Variants in APP observed in about 807,000 individuals in gnomAD.
APP encodes the protein amyloid-beta precursor protein.
APP carries 31 observed loss-of-function variants against 101.4 expected under a neutral mutation model. That is an observed-to-expected ratio of 0.31 (90% CI 0.23 to 0.41). APP has a LOEUF of 0.41. Among genes scored for constraint, APP ranks in the 10% least tolerant of loss-of-function variants. The pLI is 1.00. For missense variants in APP, 839 were observed against 1,003.7 expected (o/e 0.84, Z 2.22); for synonymous variants, 366 against 364.4 (o/e 1.00, Z -0.05).
intron 11 of APP, among the ~76,000 whole-genome samples, chr21:25,970,809 C>G (rs2042003904): frequency 6.6e-6 from 1 of 152,120 alleles, no homozygotes; most frequent in Admixed American, 6.5e-5. Context: ...TAAATAGTAT[C>G]TTACGTCTTG....
At chr21:25,991,592 G>C (rs2042868090) in intron 8 of APP, among the ~76,000 whole-genome samples, 1 of 152,154 alleles carries the variant, frequency 6.6e-6, no homozygotes, top group Non-Finnish European at 1.5e-5. Context: ...TGGCCAGGCT[G>C]GTCTCGAATT....
chr21:26,154,281 A>G (rs1218851197), intron 1 of APP, among the ~76,000 whole-genome samples: 1 of 152,176 alleles, frequency 6.6e-6, no homozygotes, highest in Non-Finnish European at 1.5e-5. Flanking sequence ...ACATACCCAT[A>G]CAGACAATAA....
chr21:25,915,975 T>C (rs897600632), intron 13 of APP, among the ~76,000 whole-genome samples: 32 of 136,142 alleles, frequency 2.4e-4, no homozygotes, highest in Non-Finnish European at 1.8e-4. Flanking sequence ...TAGCCTTCGT[T>C]TTTTTTTTTT....
intron 1 of APP, 123 bp from the exon 2 acceptor site, chr21:26,112,269 C>T (rs896687523): frequency 1.9e-5 from 18 of 963,944 alleles, no homozygotes; most frequent in Middle Eastern, 6.2e-4. Flanking sequence ...GGAATCAGCC[C>T]GGTCTTCAAC....
At chr21:25,895,925 T>G (rs888310148) in intron 16 of APP, among the ~76,000 whole-genome samples, 5 of 152,200 alleles carry the variant, frequency 3.3e-5, no homozygotes, top group African/African-American at 1.2e-4. Context: ...TCTTAACTAG[T>G]CCAGTAGAGG....
intron 3 of APP, among the ~76,000 whole-genome samples, chr21:26,070,433 T>G (rs574836769): frequency 6.6e-6 from 1 of 152,316 alleles, no homozygotes; most frequent in South Asian, 2.1e-4. Context: ...GATCACCAAC[T>G]CTTCTTTAGC....
At chr21:26,021,811 G>A (rs200914339) in intron 6 of APP, 29 bp downstream of exon 6, 4 of 1,608,690 alleles carry the variant, frequency 2.5e-6, no homozygotes, top group Non-Finnish European at 3.4e-6. Context: ...CCTTGGGGGT[G>A]GGGGGAATCC....
intron 3 of APP, among the ~76,000 whole-genome samples, chr21:26,089,261 A>T (rs2061767675): frequency 6.6e-6 from 1 of 152,226 alleles, no homozygotes; most frequent in African/African-American, 2.4e-5. Context: ...ACAGACTAAT[A>T]ACCAAGTTAG....
intron 13 of APP, among the ~76,000 whole-genome samples, chr21:25,935,442 A>C (rs1180059477): frequency 1.3e-5 from 2 of 152,184 alleles, no homozygotes; most frequent in Non-Finnish European, 2.9e-5. Context: ...AGACATGAGA[A>C]AATATAGCTA....
chr21:26,041,414 C>T (rs1012247133), intron 5 of APP, among the ~76,000 whole-genome samples: 1 of 152,040 alleles, frequency 6.6e-6, no homozygotes, highest in Non-Finnish European at 1.5e-5. Flanking sequence ...GTATTTTCTT[C>T]CTCTTTTCCT....
At chr21:26,026,236 G>A (rs896762339) in intron 5 of APP, among the ~76,000 whole-genome samples, 9 of 152,184 alleles carry the variant, frequency 5.9e-5, no homozygotes, top group Non-Finnish European at 1.2e-4. Flanking sequence ...AGACTTTAGT[G>A]GCTATCAATT....
intron 13 of APP, among the ~76,000 whole-genome samples, chr21:25,924,411 C>CAAAAAAAAAAAAAAA (rs551284093): frequency 7.7e-3 from 435 of 56,704 alleles, no homozygotes; most frequent in East Asian, 0.01. Context: ...TTTGCAAATA[C>CAAAAAAAAAAAAAAA]AAAAAAAAAA....
intron 3 of APP, among the ~76,000 whole-genome samples, chr21:26,073,022 C>T (rs1397620205): frequency 5.3e-5 from 8 of 151,816 alleles, no homozygotes; most frequent in Admixed American, 3.3e-4. Context: ...GTGGAGCACC[C>T]GCAGAAAGAG....
Position 25,966,526 on chromosome 21 carries a change from C to T in APP, c.1458+8544G>A, listed in dbSNP as rs2041802850. Among the ~76,000 whole-genome samples, 3 of 152,166 alleles carry T rather than the reference C, an allele frequency of 2.0e-5. 1 individual carries two copies. The South Asian group carries it at 6.2e-4, about 31-fold the overall frequency. ...CATAAAATTTTGGTTAAATTCAAAA[C>T]CTGCTGGTGGAATGCCTTAAACATT... On this transcript the variant is annotated intron_variant, in intron 11 of 17. Coordinates refer to ENST00000346798, the MANE Select transcript of APP (RefSeq NM_000484.4).
chr21:26,140,233 T>G, intron 1 of APP: 2 of 1,536,106 alleles, frequency 1.3e-6, no homozygotes, highest in Non-Finnish European at 1.7e-6. Context: ...CATTGTCAAT[T>G]ACATCAGCAA....
intron 17 of APP, among the ~76,000 whole-genome samples, chr21:25,885,801 T>G (rs1222289402): frequency 6.6e-6 from 1 of 152,228 alleles, no homozygotes; most frequent in East Asian, 1.9e-4. Flanking sequence ...CTTTTCTCCC[T>G]GAACTTGATT....
intron 3 of APP, among the ~76,000 whole-genome samples, chr21:26,075,422 T>C (rs1012332396): frequency 1.3e-5 from 2 of 152,190 alleles, no homozygotes; most frequent in Non-Finnish European, 2.9e-5. Context: ...ATTATAATAC[T>C]TTGTCCCAAC....
intron 1 of APP, among the ~76,000 whole-genome samples, chr21:26,127,306 C>G (rs1306139243): frequency 6.6e-6 from 1 of 152,114 alleles, no homozygotes; most frequent in Non-Finnish European, 1.5e-5. Flanking sequence ...GTCAGAATCT[C>G]TCTGTAGGTA....
At chr21:26,050,873 C>G (rs1482963488) in intron 5 of APP, 127 bp downstream of exon 5, 2 of 1,132,632 alleles carry the variant, frequency 1.8e-6, no homozygotes, top group Non-Finnish European at 2.6e-6. Context: ...TTTTGCATAA[C>G]AGCAGACTCT....
Sources: gnomAD v4.1 joint callset for allele counts (sites outside exome capture counted in the v4.1 genomes callset) on GRCh38, gnomAD v4.1.1 for gene constraint, MANE v1.5 for transcripts, NCBI Gene and HGNC (gene_info 2026-07-23, HGNC 2026-07-21) for gene names.